Variants in CRISPLD1 observed in about 807,000 individuals in gnomAD.
CRISPLD1 encodes cysteine rich secretory protein LCCL domain containing 1.
A neutral mutation model predicts 77.5 loss-of-function variants in CRISPLD1; 60 were observed. The ratio of observed to expected loss-of-function variants is 0.77; its 90% confidence interval spans 0.63 to 0.96. CRISPLD1 has a LOEUF of 0.96. Among genes scored for constraint, CRISPLD1 ranks in the 40% least tolerant of loss-of-function variants. The pLI, the probability that CRISPLD1 is intolerant of heterozygous loss-of-function variation, is 0.00. For synonymous variants in CRISPLD1, 195 were observed against 200.1 expected (o/e 0.97, Z 0.22); for missense variants, 623 against 615.8 (o/e 1.01, Z -0.12).
chr8:74,985,973 C>A lies in CRISPLD1; in HGVS notation c.-15C>A. 1.2e-6 allele frequency: 2 copies of A among 1,602,106 alleles called. No individual in the cohort carries two copies. Among genetic ancestry groups the A allele is most frequent in the Non-Finnish European group, 1.7e-6 (2 of 1,171,076 alleles). ...TCTTGGAGATTTTCCTGGGGAAATC[C>A]TGAGGTCATTCATTATGAAGTGTAC... On this transcript the variant is annotated 5_prime_UTR_variant, in exon 2 of 15. It adds an upstream start codon to the 5' untranslated region. Transcript: ENST00000262207.
intron 2 of CRISPLD1, among the ~76,000 whole-genome samples, chr8:74,995,716 ATC>A (rs1264773871): frequency 1.3e-5 from 2 of 152,218 alleles, no homozygotes; most frequent in Non-Finnish European, 2.9e-5. Context: ...TAGGGAACAT[ATC>A]TCAATTTTTA....
In CRISPLD1 at chr8:75,034,397, C is replaced by T. The variant is rs1284198472; in HGVS notation, c.*2155C>T. On this transcript the variant is annotated 3_prime_UTR_variant, in exon 15 of 15. Coordinates refer to ENST00000262207, the MANE Select transcript of CRISPLD1 (RefSeq NM_031461.6). ...TGCATAATATGAGGTCAGTGGACGC[C>T]ATTTTCTGTTATAATCATTTTTGTT... 1 of 151,934 alleles carries T rather than the reference C, an allele frequency of 6.6e-6. No homozygotes were observed. The highest frequency in any genetic ancestry group is 1.5e-5 in the Non-Finnish European group (1 of 67,912). The allele number at this position is 151,934 out of a possible 1,614,324, so 9.4% of individuals were successfully genotyped here. A position where few individuals can be genotyped will look rare whatever the true frequency, so the allele number is the denominator to read the frequency against.
At chr8:75,010,639 C>T (rs1812912747) in intron 2 of CRISPLD1, among the ~76,000 whole-genome samples, 1 of 152,026 alleles carries the variant, frequency 6.6e-6, no homozygotes, top group Non-Finnish European at 1.5e-5. Context: ...TACCCATTCT[C>T]TACTCCCAAA....
At chr8:74,989,674 A>G (rs533877370) in intron 2 of CRISPLD1, among the ~76,000 whole-genome samples, 2 of 152,118 alleles carry the variant, frequency 1.3e-5, no homozygotes, top group South Asian at 4.2e-4. Flanking sequence ...GTAGTTTACA[A>G]ATATTCTCTT....
intron 10 of CRISPLD1, 86 bp from the exon 11 acceptor site, chr8:75,019,784 G>T: frequency 9.7e-7 from 1 of 1,035,672 alleles, no homozygotes. Context: ...AAAATTAAGT[G>T]TTCATAGACT....
chr8:75,008,303 T>C (rs1403020865), intron 2 of CRISPLD1, among the ~76,000 whole-genome samples: 2 of 152,114 alleles, frequency 1.3e-5, no homozygotes, highest in Non-Finnish European at 2.9e-5. Flanking sequence ...TAGTGCTGGG[T>C]GAATAGTTCA....
At chr8:75,004,452 T>C (rs1812795677) in intron 2 of CRISPLD1, among the ~76,000 whole-genome samples, 3 of 152,194 alleles carry the variant, frequency 2.0e-5, no homozygotes, top group Admixed American at 2.0e-4. Flanking sequence ...GAAAATTACA[T>C]AGCTTTACAG....
chr8:74,998,686 A>C lies in CRISPLD1; in HGVS notation c.258+12441A>C, dbSNP rs1029248892. On this transcript the variant is annotated intron_variant, in intron 2 of 14. Transcript: ENST00000262207. The stretch of plus-strand genomic sequence containing the variant: ...CTGGGCAACAGAGAGACTCCATCTC[A>C]AAAAAAAAAAAAAAAAAAAAAAGTA... 2.3e-4 allele frequency among the ~76,000 whole-genome samples: 16 copies of C among 70,048 alleles called. 1 individual carries two copies. The highest frequency in any genetic ancestry group is 1.7e-3 in the African/African-American group (15 of 8,886). The allele number at this position is 70,048 out of a possible 152,430, so 46.0% of individuals were successfully genotyped here.
At chr8:75,012,391 A>C (rs1302437864) in intron 2 of CRISPLD1, 42 bp from the exon 3 acceptor site, 1 of 1,190,808 alleles carries the variant, frequency 8.4e-7, no homozygotes, top group African/African-American at 1.5e-5. Context: ...AGAAGTGTCC[A>C]AATGCTACAT....
chr8:74,987,229 A>C (rs1812510682), intron 2 of CRISPLD1, among the ~76,000 whole-genome samples: 1 of 152,188 alleles, frequency 6.6e-6, no homozygotes, highest in Non-Finnish European at 1.5e-5. Flanking sequence ...CACTATTTTA[A>C]CTTTTACCAG....
chr8:75,028,716 A>G (rs139643202), intron 13 of CRISPLD1, among the ~76,000 whole-genome samples: 143 of 152,326 alleles, frequency 9.4e-4, no homozygotes, highest in African/African-American at 3.2e-3. Context: ...CAATGTAATC[A>G]TAGGACTTTC....
At position 75,014,842 on chromosome 8, in the gene CRISPLD1, A is replaced by G; in HGVS notation, c.657A>G (p.Lys219=). The change falls in exon 6 of 15, where the codon AAA becomes AAG. Residue 219 remains lysine, a synonymous_variant. Transcript: ENST00000262207. ...KGNWWGHAPY[K]HGRPCSACPP... is the part of the protein sequence containing the mutation. ...ACTGGTGGGGCCATGCCCCTTACAA[A>G]CATGGGCGGCCCTGTTCTGCTTGCC... The G allele has an allele frequency of 6.3e-7, 1 of 1,592,302 alleles. No homozygotes were observed. The highest frequency in any genetic ancestry group is 8.5e-7 in the Non-Finnish European group (1 of 1,172,296).
At chr8:75,022,024 T>A (rs1453545115) in intron 12 of CRISPLD1, among the ~76,000 whole-genome samples, 2 of 152,086 alleles carry the variant, frequency 1.3e-5, no homozygotes, top group Admixed American at 1.3e-4. Flanking sequence ...AAACAAACTA[T>A]ATCAATATTA....
chr8:75,015,387 T>C (rs1813010408), intron 6 of CRISPLD1, among the ~76,000 whole-genome samples: 1 of 152,182 alleles, frequency 6.6e-6, no homozygotes, highest in Admixed American at 6.6e-5. Flanking sequence ...CAATTTGTCA[T>C]GCTAAAATAA....
At chr8:74,995,579 ATCCT>A (rs1244580211) in intron 2 of CRISPLD1, among the ~76,000 whole-genome samples, 1 of 152,160 alleles carries the variant, frequency 6.6e-6, no homozygotes, top group Non-Finnish European at 1.5e-5. Flanking sequence ...GGCTCAAGCC[ATCCT>A]TCTACTTCAG....
At chr8:74,985,887 C>T in intron 1 of CRISPLD1, 39 bp from the exon 2 acceptor site, 1 of 1,320,390 alleles carries the variant, frequency 7.6e-7, no homozygotes, top group Non-Finnish European at 1.0e-6. Context: ...TTCATATCTG[C>T]TGGAATTTTC....
chr8:74,990,741 A>G (rs951206417), intron 2 of CRISPLD1, among the ~76,000 whole-genome samples: 1 of 151,786 alleles, frequency 6.6e-6, no homozygotes, highest in African/African-American at 2.4e-5. Context: ...TAATATCACT[A>G]ACATCTTCTC....
At chr8:74,990,080 A>T (rs1812550323) in intron 2 of CRISPLD1, among the ~76,000 whole-genome samples, 1 of 152,198 alleles carries the variant, frequency 6.6e-6, no homozygotes, top group Non-Finnish European at 1.5e-5. Flanking sequence ...AAGTGGACTG[A>T]TAAACACCGG....
Position 75,032,833 on chromosome 8 carries a change from G to C in CRISPLD1, c.*591G>C, listed in dbSNP as rs1163444335. On this transcript the variant is annotated 3_prime_UTR_variant, in exon 15 of 15. Coordinates refer to ENST00000262207, the MANE Select transcript of CRISPLD1 (RefSeq NM_031461.6). ...AATCCTTTAATATCCAAATGAATCT[G>C]TTAAAATGTTTGATTCCTTGGGAAT... is the stretch of plus-strand genomic sequence containing the variant. 1 of 151,752 alleles carries C rather than the reference G, an allele frequency of 6.6e-6. No individual in the cohort carries two copies. The highest frequency in any genetic ancestry group is 1.5e-5 in the Non-Finnish European group (1 of 67,788). The allele number at this position is 151,752 out of a possible 1,614,324, so 9.4% of individuals were successfully genotyped here.
Sources: gnomAD v4.1 joint callset for allele counts (sites outside exome capture counted in the v4.1 genomes callset) on GRCh38, gnomAD v4.1.1 for gene constraint, MANE v1.5 for transcripts, NCBI Gene and HGNC (gene_info 2026-07-23, HGNC 2026-07-21) for gene names.